Variants in GRID2 observed in about 807,000 individuals in gnomAD.
GRID2 encodes the protein glutamate receptor ionotropic, delta-2.
GRID2 carries 33 observed loss-of-function variants against 114.8 expected under a neutral mutation model. That is an observed-to-expected ratio of 0.29 (90% CI 0.22 to 0.38). The LOEUF (loss-of-function observed/expected upper bound fraction) is 0.38. GRID2 is among the 10% of genes least tolerant of loss of function. The pLI, the probability that GRID2 is intolerant of heterozygous loss-of-function variation, is 1.00. For missense variants in GRID2, 1,184 were observed against 1,257.7 expected, an observed-to-expected ratio of 0.94 and a Z score of 0.89; for synonymous variants, 505 against 449.9, an observed-to-expected ratio of 1.12 and a Z score of -1.55.
At chr4:93,080,479 C>T (rs1249681931) in intron 2 of GRID2, among the ~76,000 whole-genome samples, 3 of 152,154 alleles carry the variant, frequency 2.0e-5, no homozygotes, top group African/African-American at 7.2e-5. Context: ...GAAAGGGTTA[C>T]ACATCAGAAC....
intron 8 of GRID2, among the ~76,000 whole-genome samples, chr4:93,331,805 G>T (rs539534018): frequency 6.6e-6 from 1 of 152,062 alleles, no homozygotes; most frequent in African/African-American, 2.4e-5. Flanking sequence ...TACTTTACAG[G>T]GTTCTTAAAA....
intron 1 of GRID2, among the ~76,000 whole-genome samples, chr4:92,490,547 T>A (rs1289651731): frequency 6.6e-6 from 1 of 152,172 alleles, no homozygotes; most frequent in African/African-American, 2.4e-5. Context: ...GGATAGTTAT[T>A]TTACGTTGGT....
At chr4:93,686,687 A>G (rs1726109718) in intron 14 of GRID2, among the ~76,000 whole-genome samples, 1 of 151,994 alleles carries the variant, frequency 6.6e-6, no homozygotes. Flanking sequence ...TGAAGAAAGT[A>G]TGGGGATGAG....
intron 13 of GRID2, among the ~76,000 whole-genome samples, chr4:93,564,908 T>C (rs756627741): frequency 5.9e-5 from 9 of 152,092 alleles, no homozygotes; most frequent in Admixed American, 2.0e-4. Context: ...TGATAATAGA[T>C]TTTAGCATCC....
At chr4:92,909,421 A>C (rs1578441587) in intron 2 of GRID2, among the ~76,000 whole-genome samples, 2 of 152,254 alleles carry the variant, frequency 1.3e-5, no homozygotes, top group Middle Eastern at 3.4e-3. Flanking sequence ...TTAATATTTT[A>C]AATACTGGAG....
chr4:92,796,661 C>T (rs149919291), intron 2 of GRID2, among the ~76,000 whole-genome samples: 36 of 151,968 alleles, frequency 2.4e-4, no homozygotes, highest in African/African-American at 8.2e-4. Context: ...GATATCTTTT[C>T]TTCTTACTGA....
At chr4:93,293,253 C>T (rs1753935982) in intron 8 of GRID2, among the ~76,000 whole-genome samples, 1 of 152,150 alleles carries the variant, frequency 6.6e-6, no homozygotes, top group Admixed American at 6.5e-5. Context: ...TGGTGTTCTC[C>T]ACCAGTCACA....
At chr4:93,302,712 C>A in intron 8 of GRID2, 1 of 395,788 alleles carries the variant, frequency 2.5e-6, no homozygotes, top group Non-Finnish European at 5.0e-6. Flanking sequence ...GGCTATTATG[C>A]CTGTTTCCTA....
At chr4:92,785,882 A>G (rs536164292) in intron 2 of GRID2, among the ~76,000 whole-genome samples, 1 of 151,892 alleles carries the variant, frequency 6.6e-6, no homozygotes, top group Non-Finnish European at 1.5e-5. Context: ...TGACATTTCA[A>G]TACCTGATCA....
At chr4:93,710,772 G>A (rs1578631831) in intron 14 of GRID2, among the ~76,000 whole-genome samples, 2 of 152,078 alleles carry the variant, frequency 1.3e-5, no homozygotes, top group Non-Finnish European at 2.9e-5. Context: ...TTTTACTGTG[G>A]CTGAGCTGGT....
At chr4:92,755,505 C>G (rs1737671115) in intron 2 of GRID2, among the ~76,000 whole-genome samples, 1 of 152,176 alleles carries the variant, frequency 6.6e-6, no homozygotes, top group Middle Eastern at 3.4e-3. Flanking sequence ...AAGGAAACAT[C>G]TCTTTGAATA....
intron 8 of GRID2, chr4:93,318,552 G>C (rs565558166): frequency 6.6e-6 from 1 of 152,068 alleles, no homozygotes; most frequent in African/African-American, 2.4e-5. Context: ...ATTAAACCTC[G>C]AAAGCCAAAG....
Position 92,652,903 on chromosome 4 carries a change from AATAT to A in GRID2, c.244+62622_244+62625del, listed in dbSNP as rs1478513647. On this transcript the variant is annotated intron_variant, in intron 2 of 15. Transcript: ENST00000282020. ...AAAAATATATTTATAAATACATATA[AATAT>A]ATATTTATAAATACATATAAATATA... 7.0e-4 allele frequency among the ~76,000 whole-genome samples: 97 copies of A among 138,328 alleles called. 3 individuals are homozygous for A. Among genetic ancestry groups the A allele is most frequent in the African/African-American group, 2.4e-3 (94 of 38,762 alleles). 90.7% of individuals were successfully genotyped at this position (138,328 alleles called of 152,430 possible). A position where few individuals can be genotyped will look rare whatever the true frequency, so the allele number is the denominator to read the frequency against.
At chr4:93,040,904 T>A (rs1160026434) in intron 2 of GRID2, among the ~76,000 whole-genome samples, 1 of 152,152 alleles carries the variant, frequency 6.6e-6, no homozygotes, top group Non-Finnish European at 1.5e-5. Context: ...TTGCATTCTA[T>A]CTTTCTGGTT....
chr4:93,613,433 C>T (rs1226834804), intron 13 of GRID2, among the ~76,000 whole-genome samples: 3 of 112,032 alleles, frequency 2.7e-5, no homozygotes, highest in Middle Eastern at 4.5e-3. Flanking sequence ...TTTTCCCCAT[C>T]TTTGTGGTTT....
Position 92,819,559 on chromosome 4 carries a change from A to C in GRID2, c.244+229273A>C, listed in dbSNP as rs565795940. Among the ~76,000 whole-genome samples the C allele has an allele frequency of 4.4e-4, 67 of 152,270 alleles. 1 individual carries two copies. The South Asian group carries it at 7.7e-3, about 17-fold the overall frequency. On this transcript the variant is annotated intron_variant, in intron 2 of 15. Coordinates refer to ENST00000282020, the MANE Select transcript of GRID2 (RefSeq NM_001510.4). ...ATCTCTATTTTCCTGTAAGATGGGG[A>C]TAAACTAAAGCATGTAAAATACTTA...
intron 2 of GRID2, among the ~76,000 whole-genome samples, chr4:92,689,078 G>A (rs1734058702): frequency 6.6e-6 from 1 of 152,122 alleles, no homozygotes; most frequent in South Asian, 2.1e-4. Flanking sequence ...TTTGTTGTAT[G>A]AGCACTACAT....
intron 2 of GRID2, among the ~76,000 whole-genome samples, chr4:92,746,081 G>A (rs932380713): frequency 5.3e-5 from 8 of 152,074 alleles, no homozygotes; most frequent in Non-Finnish European, 5.9e-5. Context: ...TGTAGATCTA[G>A]TGTTTAGGTA....
intron 1 of GRID2, among the ~76,000 whole-genome samples, chr4:92,391,214 G>T (rs1250546780): frequency 6.6e-6 from 1 of 152,210 alleles, no homozygotes; most frequent in South Asian, 2.1e-4. Context: ...TAGTCATAAT[G>T]ATGTTACAAA....
Sources: gnomAD v4.1 joint callset for allele counts (sites outside exome capture counted in the v4.1 genomes callset) on GRCh38, gnomAD v4.1.1 for gene constraint, MANE v1.5 for transcripts, NCBI Gene and HGNC (gene_info 2026-07-23, HGNC 2026-07-21) for gene names.